SLC35F4: variants seen among roughly 807,000 people sequenced by gnomAD.
SLC35F4 encodes the protein chromosome 14 open reading frame 36.
Under a neutral mutation model 44.2 loss-of-function variants are expected in SLC35F4, and 24 were observed. The ratio of observed to expected loss-of-function variants is 0.54; its 90% confidence interval spans 0.39 to 0.76. The LOEUF (loss-of-function observed/expected upper bound fraction) is 0.76, where lower values mean the gene tolerates loss of function less well. Among genes scored for constraint, SLC35F4 ranks in the 30% least tolerant of loss-of-function variants. SLC35F4 has a pLI of 0.00. For missense variants in SLC35F4, 562 were observed against 586.1 expected (o/e 0.96, Z 0.42); for synonymous variants, 238 against 223.6 (o/e 1.06, Z -0.57).
chr14:57,787,386 T>C (rs1080753), intron 1 of SLC35F4, among the ~76,000 whole-genome samples: 76,511 of 152,008 alleles, frequency 0.5, 22,641 homozygotes, highest in African/African-American at 0.81. Flanking sequence ...AGAGACCTAG[T>C]CATCCAAACA....
chr14:57,767,435 A>C (rs2077261680), intron 1 of SLC35F4, among the ~76,000 whole-genome samples: 1 of 152,208 alleles, frequency 6.6e-6, no homozygotes, highest in East Asian at 1.9e-4. Flanking sequence ...GACATTAAAC[A>C]ACATACTTTT....
At chr14:57,880,331 G>C (rs1452241607) in intron 1 of SLC35F4, among the ~76,000 whole-genome samples, 1 of 152,118 alleles carries the variant, frequency 6.6e-6, no homozygotes, top group Admixed American at 6.6e-5. Flanking sequence ...GGTGGAATAA[G>C]GACTGAGGGC....
intron 1 of SLC35F4, among the ~76,000 whole-genome samples, chr14:57,690,972 T>G (rs983921287): frequency 1.3e-5 from 2 of 152,098 alleles, no homozygotes; most frequent in Non-Finnish European, 2.9e-5. Flanking sequence ...TACGTAACAG[T>G]CTAGAGCAGG....
At chr14:57,773,332 A>C (rs928429767) in intron 1 of SLC35F4, among the ~76,000 whole-genome samples, 26 of 152,068 alleles carry the variant, frequency 1.7e-4, no homozygotes, top group African/African-American at 6.0e-4. Flanking sequence ...TAACTCACCA[A>C]CTCTACAAGG....
chr14:57,587,514 A>G (rs996346337), intron 3 of SLC35F4, among the ~76,000 whole-genome samples: 2 of 152,214 alleles, frequency 1.3e-5, no homozygotes, highest in Non-Finnish European at 2.9e-5. Flanking sequence ...GCAAACTAAC[A>G]CAAGAACAGA....
At chr14:57,645,457 T>C (rs2073460748) in intron 1 of SLC35F4, among the ~76,000 whole-genome samples, 1 of 152,186 alleles carries the variant, frequency 6.6e-6, no homozygotes, top group Non-Finnish European at 1.5e-5. Context: ...CTTGTGATTT[T>C]TGCACATTGA....
At chr14:57,567,066 G>A (rs1278325453) in intron 6 of SLC35F4, among the ~76,000 whole-genome samples, 1 of 152,110 alleles carries the variant, frequency 6.6e-6, no homozygotes, top group Non-Finnish European at 1.5e-5. Context: ...AACAAGGGTG[G>A]GTTTAATGTA....
Position 57,564,059 on chromosome 14 carries a change from T to G in SLC35F4, c.*76A>C. ...CAAATTCAGAGTTAATACTGTCGTTTGAGTGTACAGGTAGTGAGAAAATTT... is the reference window on the plus strand; with the variant it reads ...CAAATTCAGAGTTAATACTGTCGTTGGAGTGTACAGGTAGTGAGAAAATTT... On this transcript the variant is annotated 3_prime_UTR_variant, in exon 8 of 8. Transcript: ENST00000556826. The G allele has an allele frequency of 6.5e-7, 1 of 1,528,682 alleles. No individual in the cohort carries two copies. The highest frequency in any genetic ancestry group is 8.9e-7 in the Non-Finnish European group (1 of 1,122,236). The allele number at this position is 1,528,682 out of a possible 1,614,324, so 94.7% of individuals were successfully genotyped here. A position where few individuals can be genotyped will look rare whatever the true frequency, so the allele number is the denominator to read the frequency against.
intron 1 of SLC35F4, among the ~76,000 whole-genome samples, chr14:57,950,350 T>A (rs1890112428): frequency 6.6e-6 from 1 of 152,144 alleles, no homozygotes; most frequent in Non-Finnish European, 1.5e-5. Flanking sequence ...TGTATTTCTT[T>A]ACGTGTGTCT....
At chr14:57,755,805 A>G (rs920900191) in intron 1 of SLC35F4, among the ~76,000 whole-genome samples, 2 of 152,218 alleles carry the variant, frequency 1.3e-5, no homozygotes, top group African/African-American at 4.8e-5. Flanking sequence ...AGGAAAAATA[A>G]CATTGTCCAC....
At chr14:57,740,695 G>A (rs1179176048) in intron 1 of SLC35F4, among the ~76,000 whole-genome samples, 1 of 152,110 alleles carries the variant, frequency 6.6e-6, no homozygotes, top group Non-Finnish European at 1.5e-5. Context: ...TATGGTGATG[G>A]CTATCCCAAG....
At chr14:57,811,209 C>T (rs994579276) in intron 1 of SLC35F4, among the ~76,000 whole-genome samples, 2 of 152,082 alleles carry the variant, frequency 1.3e-5, no homozygotes, top group East Asian at 3.9e-4. Context: ...AAAGTGGGCA[C>T]CAAAGTTTAG....
chr14:57,613,600 C>T (rs1260911130), intron 1 of SLC35F4, among the ~76,000 whole-genome samples: 1 of 152,222 alleles, frequency 6.6e-6, no homozygotes, highest in Non-Finnish European at 1.5e-5. Flanking sequence ...CATTTTTCTA[C>T]CTGAGATTCA....
At chr14:57,952,179 A>C (rs1890153681) in intron 1 of SLC35F4, among the ~76,000 whole-genome samples, 1 of 152,180 alleles carries the variant, frequency 6.6e-6, no homozygotes, top group Non-Finnish European at 1.5e-5. Flanking sequence ...ACTCGAGCAG[A>C]CCTGCAGCAG....
intron 1 of SLC35F4, among the ~76,000 whole-genome samples, chr14:57,918,211 A>G (rs2141056001): frequency 6.6e-6 from 1 of 152,286 alleles, no homozygotes; most frequent in Admixed American, 6.5e-5. Context: ...GAGCTCCTGG[A>G]GGCAAAACTC....
chr14:57,644,027 T>C (rs1295760659), intron 1 of SLC35F4, among the ~76,000 whole-genome samples: 1 of 152,206 alleles, frequency 6.6e-6, no homozygotes, highest in Admixed American at 6.5e-5. Flanking sequence ...TTGTTGGACA[T>C]TTGGGTTGGT....
intron 1 of SLC35F4, among the ~76,000 whole-genome samples, chr14:57,970,446 C>A (rs944133004): frequency 3.3e-5 from 5 of 152,128 alleles, no homozygotes; most frequent in Non-Finnish European, 7.4e-5. Context: ...GCTCAGAAAG[C>A]CTGCATGACA....
chr14:57,982,463 T>C (rs953055595), upstream of SLC35F4, among the ~76,000 whole-genome samples: 2 of 151,934 alleles, frequency 1.3e-5, no homozygotes, highest in African/African-American at 2.4e-5. Flanking sequence ...TGAACCAGCA[T>C]TGTTGTGTTG....
chr14:57,751,957 T>C (rs1180411489), intron 1 of SLC35F4, among the ~76,000 whole-genome samples: 1 of 152,132 alleles, frequency 6.6e-6, no homozygotes, highest in African/African-American at 2.4e-5. Flanking sequence ...TGTGTGTTTG[T>C]GTATTTTTTC....
Sources: allele counts gnomAD v4.1 joint callset (sites outside exome capture counted in the v4.1 genomes callset), GRCh38; gene constraint gnomAD v4.1.1; transcripts MANE v1.5; gene names NCBI Gene and HGNC (gene_info 2026-07-23, HGNC 2026-07-21).